Variants in JMJD1C observed in about 807,000 individuals in gnomAD.
JMJD1C encodes the protein jumonji domain containing 1C, also known as jumonji domain-containing protein 1C.
JMJD1C carries 31 observed loss-of-function variants against 245.3 expected under a neutral mutation model. The ratio of observed to expected loss-of-function variants is 0.13; its 90% CI spans 0.09 to 0.17. JMJD1C has a LOEUF of 0.17. Among genes scored for constraint, JMJD1C ranks in the 10% least tolerant of loss-of-function variants. JMJD1C has a pLI of 1.00. For missense variants in JMJD1C, 2,691 were observed against 3,000.2 expected (o/e 0.90, Z 2.41); for synonymous variants, 1,057 against 1,017.4 (o/e 1.04, Z -0.74).
chr10:63,177,693 T>G (rs772518387), intron 23 of JMJD1C, 24 bp downstream of exon 23: 4 of 1,612,226 alleles, frequency 2.5e-6, no homozygotes, highest in East Asian at 2.2e-5. Flanking sequence ...GGGGAAGAGA[T>G]ATTATTTGCA....
At chr10:63,366,336 G>A (rs1447210367) in intron 2 of JMJD1C, among the ~76,000 whole-genome samples, 1 of 152,144 alleles carries the variant, frequency 6.6e-6, no homozygotes, top group African/African-American at 2.4e-5. Context: ...ACCACAGAGA[G>A]AGGGCAATCA....
At chr10:63,450,878 T>C (rs542116622) in intron 1 of JMJD1C, among the ~76,000 whole-genome samples, 27 of 148,942 alleles carry the variant, frequency 1.8e-4, no homozygotes, top group Non-Finnish European at 3.3e-4. Flanking sequence ...TCAAATGACA[T>C]AATTTGTTAT....
intron 24 of JMJD1C, 75 bp downstream of exon 24, chr10:63,176,222 A>T: frequency 9.2e-7 from 1 of 1,089,908 alleles, no homozygotes; most frequent in Non-Finnish European, 1.3e-6. Context: ...TTATATCTAT[A>T]CTAAGAGCAA....
chr10:63,293,534 C>T (rs1859024748), intron 2 of JMJD1C, among the ~76,000 whole-genome samples: 1 of 152,084 alleles, frequency 6.6e-6, no homozygotes, highest in Non-Finnish European at 1.5e-5. Context: ...ACACAATCAA[C>T]ACACTCATTG....
At chr10:63,292,135 T>C (rs907487901) in intron 2 of JMJD1C, among the ~76,000 whole-genome samples, 3 of 150,402 alleles carry the variant, frequency 2.0e-5, no homozygotes, top group Non-Finnish European at 4.4e-5. Flanking sequence ...TTAGTTTCTG[T>C]AGAGACAGAT....
chr10:63,271,842 T>C (rs1428372729), intron 2 of JMJD1C, among the ~76,000 whole-genome samples: 1 of 151,998 alleles, frequency 6.6e-6, no homozygotes, highest in African/African-American at 2.4e-5. Context: ...CCGGGATCAG[T>C]GGTGGGTGGA....
At chr10:63,327,582 G>A (rs117907188) in intron 2 of JMJD1C, among the ~76,000 whole-genome samples, 2,024 of 152,204 alleles carry the variant, frequency 0.013, 30 homozygotes, top group African/African-American at 0.034. Flanking sequence ...TGTAGTGGAA[G>A]AATCCAAGTT....
chr10:63,262,257 G>A (rs1458432826), intron 3 of JMJD1C, among the ~76,000 whole-genome samples: 2 of 151,922 alleles, frequency 1.3e-5, no homozygotes, highest in Non-Finnish European at 2.9e-5. Flanking sequence ...AATCAATCTG[G>A]TATAGAGCCA....
chr10:63,339,295 C>A (rs536773493), intron 2 of JMJD1C, among the ~76,000 whole-genome samples: 1 of 152,208 alleles, frequency 6.6e-6, no homozygotes, highest in South Asian at 2.1e-4. Flanking sequence ...CTGTATTTTT[C>A]TTTAAACCAT....
intron 1 of JMJD1C, among the ~76,000 whole-genome samples, chr10:63,516,122 G>C: frequency 7.8e-6 from 1 of 128,292 alleles, no homozygotes; most frequent in South Asian, 2.9e-4. Context: ...TGGCTGGCTG[G>C]TTGTCACATC....
intron 2 of JMJD1C, among the ~76,000 whole-genome samples, chr10:63,352,392 C>T (rs1029386897): frequency 1.3e-5 from 2 of 152,142 alleles, no homozygotes; most frequent in Non-Finnish European, 2.9e-5. Context: ...AATCTCACCC[C>T]TTTGGGAGGC....
intron 18 of JMJD1C, 101 bp from the exon 19 acceptor site, chr10:63,186,484 G>T: frequency 1.0e-6 from 1 of 959,100 alleles, no homozygotes; most frequent in Non-Finnish European, 1.5e-6. Flanking sequence ...TCTTACCCAG[G>T]CTGGAGAGCA....
intron 2 of JMJD1C, among the ~76,000 whole-genome samples, chr10:63,333,953 A>C (rs1301300189): frequency 1.3e-5 from 2 of 152,226 alleles, no homozygotes; most frequent in Non-Finnish European, 2.9e-5. Context: ...AACACAAAGC[A>C]GATCAATTAA....
At chr10:63,500,095 T>C (rs772353504) in intron 1 of JMJD1C, among the ~76,000 whole-genome samples, 7 of 152,206 alleles carry the variant, frequency 4.6e-5, no homozygotes, top group African/African-American at 7.2e-5. Context: ...ATGTAATTCA[T>C]GTGTTATTTA....
At chr10:63,190,847 T>A (rs1206599021) in intron 17 of JMJD1C, 47 bp downstream of exon 17, 1 of 1,455,494 alleles carries the variant, frequency 6.9e-7, no homozygotes, top group South Asian at 1.1e-5. Context: ...CTCCAAATCA[T>A]CTCTATTTAA....
chr10:63,412,671 G>A (rs928906136), intron 1 of JMJD1C, among the ~76,000 whole-genome samples: 22 of 152,218 alleles, frequency 1.4e-4, no homozygotes, highest in Non-Finnish European at 2.8e-4. Context: ...GCCATGTCAC[G>A]TCTCTGTGTG....
chr10:63,188,570 T>C (rs965100051), intron 18 of JMJD1C, among the ~76,000 whole-genome samples: 1 of 152,220 alleles, frequency 6.6e-6, no homozygotes, highest in African/African-American at 2.4e-5. Context: ...TTTAACAGAA[T>C]ACTGTCATAC....
At chr10:63,181,015 G>A (rs1003388049) in intron 22 of JMJD1C, among the ~76,000 whole-genome samples, 1 of 151,910 alleles carries the variant, frequency 6.6e-6, no homozygotes, top group East Asian at 1.9e-4. Flanking sequence ...TGATCCGCCC[G>A]CCTCGGCCTC....
At chr10:63,373,540 T>C (rs1237680089) in intron 2 of JMJD1C, among the ~76,000 whole-genome samples, 1 of 152,194 alleles carries the variant, frequency 6.6e-6, no homozygotes, top group East Asian at 1.9e-4. Flanking sequence ...GTAACTGATA[T>C]GTAATATTAA....
Sources: gnomAD v4.1 joint callset for allele counts (sites outside exome capture counted in the v4.1 genomes callset) on GRCh38, gnomAD v4.1.1 for gene constraint, MANE v1.5 for transcripts, NCBI Gene and HGNC (gene_info 2026-07-23, HGNC 2026-07-21) for gene names.